Variants in LRIF1 observed in about 807,000 individuals in gnomAD.
The protein encoded by LRIF1 is ligand dependent nuclear receptor interacting factor 1, also known as ligand-dependent nuclear receptor-interacting factor 1.
A neutral mutation model predicts 52.7 loss-of-function variants in LRIF1; 32 were observed. The ratio of observed to expected loss-of-function variants is 0.61; its 90% CI spans 0.46 to 0.82. LRIF1 has a LOEUF of 0.82. LRIF1 is among the 40% of genes least tolerant of loss of function. The pLI, the probability that LRIF1 is intolerant of heterozygous loss-of-function variation, is 0.00. For synonymous variants in LRIF1, 323 were observed against 317.4 expected (o/e 1.02, Z -0.19); for missense variants, 887 against 892.0 (o/e 0.99, Z 0.07).
the LRIF1 span, among the ~76,000 whole-genome samples, chr1:110,879,113 A>T: frequency 6.6e-6 from 1 of 152,100 alleles, no homozygotes; most frequent in Non-Finnish European, 1.5e-5. Context: ...TGCCCCGTGT[A>T]TGTTTTATTC....
the LRIF1 span, among the ~76,000 whole-genome samples, chr1:110,877,581 C>G: frequency 2.0e-5 from 3 of 152,168 alleles, no homozygotes; most frequent in African/African-American, 7.2e-5. Flanking sequence ...AGTGAGCTTC[C>G]AAGATCATCT....
At chr1:110,940,518 A>T in the LRIF1 span, 12 of 152,208 alleles carry the variant, frequency 7.9e-5, no homozygotes, top group African/African-American at 2.9e-4. Flanking sequence ...TATTGAAGAG[A>T]TATCTGAACT....
downstream of LRIF1, chr1:110,944,644 A>T (rs1363919461): frequency 3.3e-5 from 5 of 152,192 alleles, no homozygotes; most frequent in African/African-American, 1.2e-4. Context: ...TTCAGAAGTG[A>T]AATGAAAGTA....
At chr1:110,904,267 G>A in the LRIF1 span, among the ~76,000 whole-genome samples, 1 of 152,180 alleles carries the variant, frequency 6.6e-6, no homozygotes, top group Non-Finnish European at 1.5e-5. Flanking sequence ...AGAGCCCCAG[G>A]GCATTAAGTG....
chr1:110,875,668 A>C, the LRIF1 span, among the ~76,000 whole-genome samples: 2 of 152,056 alleles, frequency 1.3e-5, no homozygotes, highest in African/African-American at 2.4e-5. Flanking sequence ...AGCTCCTAGG[A>C]CCCATCTGCC....
At chr1:110,951,191 G>A (rs1329768373) in intron 2 of LRIF1, 97 bp downstream of exon 2, 2 of 1,002,870 alleles carry the variant, frequency 2.0e-6, no homozygotes, top group East Asian at 2.5e-5. Flanking sequence ...GGGGTTGGCA[G>A]TGGGGGAAAG....
chr1:110,958,019 T>C (rs531189331), intron 1 of LRIF1, among the ~76,000 whole-genome samples: 1 of 152,212 alleles, frequency 6.6e-6, no homozygotes, highest in African/African-American at 2.4e-5. Context: ...GTTTTTCTGA[T>C]TGCAGCCACT....
the LRIF1 span, among the ~76,000 whole-genome samples, chr1:110,910,843 C>G: frequency 6.6e-6 from 1 of 152,136 alleles, no homozygotes; most frequent in Non-Finnish European, 1.5e-5. Flanking sequence ...ATCTGGGACA[C>G]AGCTAAAGTA....
the LRIF1 span, among the ~76,000 whole-genome samples, chr1:110,907,931 C>T: frequency 2.0e-5 from 3 of 152,120 alleles, no homozygotes; most frequent in Admixed American, 6.5e-5. Flanking sequence ...GGTTCTCTCC[C>T]CTATTGCAAT....
chr1:110,886,190 G>T, the LRIF1 span, among the ~76,000 whole-genome samples: 17 of 151,978 alleles, frequency 1.1e-4, no homozygotes, highest in Non-Finnish European at 2.1e-4. Flanking sequence ...CTTTCTTCCA[G>T]CTTGCCTGTT....
chr1:110,926,264 T>C, the LRIF1 span, among the ~76,000 whole-genome samples: 94,289 of 151,720 alleles, frequency 0.62, 31,092 homozygotes, highest in East Asian at 0.74. Context: ...AGGGTAATCA[T>C]GACAACACAA....
At position 110,963,786 on chromosome 1, in the gene LRIF1, T is replaced by G; in HGVS notation, c.-98A>C. ...GAACCAGAGCGAGGGAATGTTGGGCTGGAGTTGCCCACAGCAACTGTGAGG... is the reference window on the plus strand; with the variant it reads ...GAACCAGAGCGAGGGAATGTTGGGCGGGAGTTGCCCACAGCAACTGTGAGG... On this transcript the variant is annotated 5_prime_UTR_variant, in exon 1 of 4. Coordinates refer to ENST00000369763, the MANE Select transcript of LRIF1 (RefSeq NM_018372.4). 1.0e-6 allele frequency: 1 copy of G among 983,436 alleles called. No individual in the cohort carries two copies. Among genetic ancestry groups the G allele is most frequent in the South Asian group, 1.5e-5 (1 of 67,576 alleles). The allele number at this position is 983,436 out of a possible 1,614,324, so 60.9% of individuals were successfully genotyped here.
At position 110,958,128 on chromosome 1, in the gene LRIF1, G is replaced by A. The variant is rs547095522; in HGVS notation, c.69-5313C>T. ...CATCATTGCCAATTCAGCTGGACGC[G>A]AAAATCATCTACAATCTAGCTCCAA... On this transcript the variant is annotated intron_variant, in intron 1 of 3. Coordinates refer to ENST00000369763, the MANE Select transcript of LRIF1 (RefSeq NM_018372.4). 5.3e-5 allele frequency among the ~76,000 whole-genome samples: 8 copies of A among 152,248 alleles called. No individual in the cohort carries two copies. The East Asian group carries it at 7.7e-4, about 15-fold the overall frequency.
the LRIF1 span, among the ~76,000 whole-genome samples, chr1:110,920,239 T>C: frequency 2.6e-5 from 4 of 152,314 alleles, no homozygotes; most frequent in South Asian, 2.1e-4. Flanking sequence ...GAAACCTGCA[T>C]ATAGATGTTT....
Position 110,961,814 on chromosome 1 carries a change from G to A in LRIF1, c.68+1807C>T, listed in dbSNP as rs576732470. On this transcript the variant is annotated intron_variant, in intron 1 of 3. Coordinates refer to ENST00000369763, the MANE Select transcript of LRIF1 (RefSeq NM_018372.4). ...ATATTTGGATGTTTTATTACTTACA[G>A]AACAGAATGGAATCAAATACGCAAC... Among the ~76,000 whole-genome samples, 201 of 152,132 alleles carry A rather than the reference G, an allele frequency of 1.3e-3. 1 individual carries two copies. Among genetic ancestry groups the A allele is most frequent in the Middle Eastern group, 6.8e-3 (2 of 294 alleles).
chr1:110,915,390 A>T, the LRIF1 span, among the ~76,000 whole-genome samples: 1 of 152,314 alleles, frequency 6.6e-6, no homozygotes, highest in African/African-American at 2.4e-5. Context: ...CGGGAGGCTG[A>T]GGCAGGAGAA....
downstream of LRIF1, among the ~76,000 whole-genome samples, chr1:110,943,301 C>A (rs189404802): frequency 6.6e-6 from 1 of 152,230 alleles, no homozygotes; most frequent in East Asian, 1.9e-4. Context: ...AAGAGACCAG[C>A]AGCATTGGAC....
At chr1:110,887,145 G>A in the LRIF1 span, among the ~76,000 whole-genome samples, 263 of 151,964 alleles carry the variant, frequency 1.7e-3, 1 homozygote, top group Non-Finnish European at 2.9e-3. Flanking sequence ...CTCACTCCAA[G>A]CTCCGTCTCC....
At position 110,951,696 on chromosome 1, in the gene LRIF1, T is replaced by A. The variant is rs1168740864; in HGVS notation, c.1188A>T (p.Leu396Phe). Reference protein sequence around the residue: ...SPDTPVRKDTLQTVSSSPVTE... With the variant: ...SPDTPVRKDTFQTVSSSPVTE... ...TGACTGGACTTGAACTCACTGTCTG[T>A]AACGTGTCTTTTCTTACTGGAGTAT... The change falls in exon 2 of 4, where the codon TTA becomes TTT. Residue 396 changes from leucine to phenylalanine, a missense_variant. Transcript: ENST00000369763. 1.2e-6 allele frequency: 2 copies of A among 1,613,956 alleles called. No homozygotes were observed. Among genetic ancestry groups the A allele is most frequent in the Non-Finnish European group, 1.7e-6 (2 of 1,180,032 alleles).
Sources: gnomAD v4.1 joint callset for allele counts (sites outside exome capture counted in the v4.1 genomes callset) on GRCh38, gnomAD v4.1.1 for gene constraint, MANE v1.5 for transcripts, NCBI Gene and HGNC (gene_info 2026-07-23, HGNC 2026-07-21) for gene names.